Variants in WDPCP observed in about 807,000 individuals in gnomAD.
WDPCP encodes the protein WD repeat containing planar cell polarity effector, also known as WD repeat-containing and planar cell polarity effector protein fritz homolog.
WDPCP carries 71 observed loss-of-function variants against 93.1 expected under a neutral mutation model. That is an observed-to-expected ratio of 0.76 (90% CI 0.63 to 0.93). WDPCP has a LOEUF of 0.93. WDPCP is among the 40% of genes least tolerant of loss of function. WDPCP has a pLI of 0.00. For missense variants in WDPCP, 844 were observed against 887.4 expected (o/e 0.95, Z 0.62); for synonymous variants, 315 against 315.0 (o/e 1.00, Z 0.00).
intron 13 of WDPCP, among the ~76,000 whole-genome samples, chr2:63,281,497 G>T (rs1309723004): frequency 6.6e-6 from 1 of 152,136 alleles, no homozygotes; most frequent in Non-Finnish European, 1.5e-5. Flanking sequence ...CAGAGGAAAA[G>T]AAGTCATTAT....
chr2:63,722,381 G>A (rs1439161576), intron 2 of WDPCP, among the ~76,000 whole-genome samples: 7 of 135,986 alleles, frequency 5.1e-5, no homozygotes, highest in African/African-American at 1.2e-4. Flanking sequence ...CTGCCCCGCC[G>A]CCCCGTCTGG....
chr2:63,207,688 T>A (rs548590295), intron 14 of WDPCP, among the ~76,000 whole-genome samples: 5 of 152,334 alleles, frequency 3.3e-5, no homozygotes, highest in Admixed American at 3.3e-4. Context: ...GAGGATTTCA[T>A]TAGAATATGT....
intron 1 of WDPCP, among the ~76,000 whole-genome samples, chr2:63,503,008 C>T (rs1296495364): frequency 2.6e-5 from 4 of 152,180 alleles, no homozygotes; most frequent in Admixed American, 1.3e-4. Flanking sequence ...AAATTCTATG[C>T]CTCGAAAGAA....
chr2:63,827,726 A>G (rs1671135293), exon 1 of WDPCP: 1 of 152,220 alleles, frequency 6.6e-6, no homozygotes, highest in Non-Finnish European at 1.5e-5. Context: ...CGCTGGCTTC[A>G]TTTTCAGGCT....
intron 2 of WDPCP, among the ~76,000 whole-genome samples, chr2:63,798,462 T>A (rs540398158): frequency 6.6e-6 from 1 of 152,300 alleles, no homozygotes; most frequent in East Asian, 1.9e-4. Flanking sequence ...TCTTTTTGCT[T>A]GTTTGTTGGT....
intron 1 of WDPCP, among the ~76,000 whole-genome samples, chr2:63,504,356 G>GTA (rs1558724692): frequency 6.6e-6 from 1 of 151,406 alleles, no homozygotes; most frequent in Non-Finnish European, 1.5e-5. Context: ...GTGTGTGTGT[G>GTA]TGTGTGTGTG....
At chr2:63,264,771 T>C (rs1157497914) in intron 13 of WDPCP, among the ~76,000 whole-genome samples, 1 of 152,136 alleles carries the variant, frequency 6.6e-6, no homozygotes, top group Non-Finnish European at 1.5e-5. Flanking sequence ...AAACAGAATA[T>C]AAATTCTTTT....
intron 1 of WDPCP, among the ~76,000 whole-genome samples, chr2:63,529,250 T>C (rs1437527907): frequency 1.3e-5 from 2 of 152,312 alleles, no homozygotes; most frequent in Middle Eastern, 3.4e-3. Context: ...TCCAACACTA[T>C]GTTGAATAGG....
At chr2:63,311,800 C>CA (rs1686208953) in intron 13 of WDPCP, among the ~76,000 whole-genome samples, 1 of 152,046 alleles carries the variant, frequency 6.6e-6, no homozygotes, top group Admixed American at 6.6e-5. Flanking sequence ...TTAATTATTA[C>CA]AACATTAGAA....
chr2:63,163,360 A>G (rs1331881822), intron 15 of WDPCP, among the ~76,000 whole-genome samples: 1 of 152,190 alleles, frequency 6.6e-6, no homozygotes, highest in African/African-American at 2.4e-5. Flanking sequence ...AAAATTAGAC[A>G]CATTTAATCA....
At chr2:63,715,965 C>T (rs1669332839) in intron 2 of WDPCP, among the ~76,000 whole-genome samples, 2 of 152,196 alleles carry the variant, frequency 1.3e-5, no homozygotes, top group South Asian at 4.1e-4. Context: ...TTCTGTTCTT[C>T]CTTCCCAGAG....
chr2:63,795,810 A>G (rs1670606229), intron 2 of WDPCP, among the ~76,000 whole-genome samples: 1 of 152,152 alleles, frequency 6.6e-6, no homozygotes, highest in African/African-American at 2.4e-5. Context: ...GTGGCATGAA[A>G]CTTTACTAAC....
intron 14 of WDPCP, among the ~76,000 whole-genome samples, chr2:63,217,517 T>C (rs1281160567): frequency 6.6e-6 from 1 of 152,210 alleles, no homozygotes; most frequent in Non-Finnish European, 1.5e-5. Flanking sequence ...AAGAAATAAT[T>C]GGTTTGATCC....
chr2:63,135,435 G>A (rs1035837765), intron 17 of WDPCP, among the ~76,000 whole-genome samples: 3 of 152,012 alleles, frequency 2.0e-5, no homozygotes, highest in South Asian at 4.2e-4. Context: ...GGATTCAAGC[G>A]ATTCTCCTGC....
intron 2 of WDPCP, among the ~76,000 whole-genome samples, chr2:63,703,020 C>G (rs1178870823): frequency 3.3e-5 from 5 of 152,084 alleles, no homozygotes; most frequent in African/African-American, 9.7e-5. Context: ...TGGTTTCAAG[C>G]TTCATCCATG....
At chr2:63,200,033 T>G (rs1675778219) in intron 14 of WDPCP, among the ~76,000 whole-genome samples, 1 of 152,226 alleles carries the variant, frequency 6.6e-6, no homozygotes, top group African/African-American at 2.4e-5. Context: ...TAAGAGCTAA[T>G]GACTGCTCTG....
chr2:63,597,531 C>T, intron 3 of WDPCP: 1 of 1,501,856 alleles, frequency 6.7e-7, no homozygotes, highest in South Asian at 1.3e-5. Flanking sequence ...ATCTTCAAAT[C>T]CCAGGGTGCA....
intron 12 of WDPCP, among the ~76,000 whole-genome samples, chr2:63,314,184 CT>C (rs56991037): frequency 0.8 from 119,323 of 148,880 alleles, 48,583 homozygotes; most frequent in East Asian, 0.96. Flanking sequence ...GCCCCATCTT[CT>C]TTTTTTTTTA....
chr2:63,290,601 G>C (rs1261889253), intron 13 of WDPCP, among the ~76,000 whole-genome samples: 1 of 152,030 alleles, frequency 6.6e-6, no homozygotes, highest in Non-Finnish European at 1.5e-5. Context: ...TAGTAGTGCT[G>C]CTGCTAATTT....
Sources: gnomAD v4.1 joint callset for allele counts (sites outside exome capture counted in the v4.1 genomes callset) on GRCh38, gnomAD v4.1.1 for gene constraint, MANE v1.5 for transcripts, NCBI Gene and HGNC (gene_info 2026-07-23, HGNC 2026-07-21) for gene names.